The following OSER1 variants were observed in gnomAD, a reference collection of about 807,000 sequenced individuals.
OSER1 encodes oxidative stress responsive serine rich 1.
Under a neutral mutation model 26.3 loss-of-function variants are expected in OSER1, and 15 were observed. The ratio of observed to expected loss-of-function variants is 0.57; its 90% CI spans 0.38 to 0.88. The LOEUF (loss-of-function observed/expected upper bound fraction) is 0.88, where lower values mean the gene tolerates loss of function less well. OSER1 is among the 40% of genes least tolerant of loss of function. The probability of loss-of-function intolerance (pLI) is 0.00; values close to 1 mark genes in which losing one functional copy is unlikely to be tolerated. For missense variants in OSER1, 313 were observed against 353.9 expected, an observed-to-expected ratio of 0.88 and a Z score of 0.93; for synonymous variants, 127 against 128.2, an observed-to-expected ratio of 0.99 and a Z score of 0.07.
chr20:44,207,723 AAAGAAAGGTT>A (rs2073052208), intron 1 of OSER1: 1 of 152,246 alleles, frequency 6.6e-6, no homozygotes, highest in Non-Finnish European at 1.5e-5. Context: ...TCTTTAGCCT[AAAGAAAGGTT>A]GAAAGTAAAG....
At chr20:44,204,361 C>T (rs931050876) in intron 2 of OSER1, among the ~76,000 whole-genome samples, 3 of 152,218 alleles carry the variant, frequency 2.0e-5, no homozygotes, top group Non-Finnish European at 4.4e-5. Context: ...TGATACACTA[C>T]TACACAAGTC....
rs2072921981 is a variant in OSER1, at chr20:44,196,662, A to C, written c.*390T>G. 1 of 176,662 alleles carries C rather than the reference A, an allele frequency of 5.7e-6. No individual in the cohort carries two copies. The highest frequency in any genetic ancestry group is 5.4e-5 in the Admixed American group (1 of 18,460). The allele number at this position is 176,662 out of a possible 1,614,324, so 10.9% of individuals were successfully genotyped here. A position where few individuals can be genotyped will look rare whatever the true frequency, so the allele number is the denominator to read the frequency against. Reference sequence around the variant, plus strand: ...ATTCTGGGCTGGCAACTACAGCATGACAAATGTTTAGTGCAGTTACAAAAT... The same window carrying C: ...ATTCTGGGCTGGCAACTACAGCATGCCAAATGTTTAGTGCAGTTACAAAAT... On this transcript the variant is annotated 3_prime_UTR_variant, in exon 4 of 4. Transcript: ENST00000255174.
In OSER1 at chr20:44,199,314, T is replaced by C. The variant is rs961603218; in HGVS notation, c.192-1575A>G. On this transcript the variant is annotated intron_variant, in intron 3 of 3. Coordinates refer to ENST00000255174, the MANE Select transcript of OSER1 (RefSeq NM_016470.8). ...GGTTATTGAGGGACAGGGATAGTTA[T>C]CACAAGAACGGCTCTGTTATAAAAG... Among the ~76,000 whole-genome samples the C allele has an allele frequency of 5.9e-5, 9 of 152,262 alleles. 1 individual carries two copies. Among genetic ancestry groups the C allele is most frequent in the East Asian group, 1.9e-4 (1 of 5,182 alleles).
chr20:44,196,294 C>CAAA lies in OSER1; in HGVS notation c.*755_*757dup, dbSNP rs56251501. On this transcript the variant is annotated 3_prime_UTR_variant, in exon 4 of 4. Transcript: ENST00000255174. ...ATGAGACCTGTATTACAACTGATAA[C>CAAA]AAAAAAAAAAAAAAAAAACCGCCAT... Among the ~76,000 whole-genome samples, 31 of 100,440 alleles carry CAAA rather than the reference C, an allele frequency of 3.1e-4. 1 individual carries two copies. Among genetic ancestry groups the CAAA allele is most frequent in the South Asian group, 2.4e-3 (7 of 2,880 alleles). 65.9% of individuals were successfully genotyped at this position (100,440 alleles called of 152,430 possible). A position where few individuals can be genotyped will look rare whatever the true frequency, so the allele number is the denominator to read the frequency against.
In OSER1 at chr20:44,197,031, A is replaced by G. The variant is rs2072925821; in HGVS notation, c.*21T>C. 10 of 1,548,306 alleles carry G rather than the reference A, an allele frequency of 6.5e-6. No homozygotes were observed. Among genetic ancestry groups the G allele is most frequent in the South Asian group, 5.6e-5 (5 of 89,338 alleles). ...TGACAAGCCTTCATTGGTTTAAAGC[A>G]TATGAATTAGCTTCTTGCTATCAGG... On this transcript the variant is annotated 3_prime_UTR_variant, in exon 4 of 4. Transcript: ENST00000255174.
chr20:44,203,694 TCACA>T (rs139060435), intron 2 of OSER1, among the ~76,000 whole-genome samples: 12,168 of 145,350 alleles, frequency 0.084, 1,111 homozygotes, highest in East Asian at 0.29. Context: ...CAGACTTTTT[TCACA>T]CACACACACA....
rs765277973 is a variant in OSER1 at position 44,197,275 on chromosome 20, C to G, written c.656G>C (p.Gly219Ala). Reference protein sequence around the residue: ...WHDMEVYSFSGLQSVPPLAPE... With the variant: ...WHDMEVYSFSALQSVPPLAPE... ...AGCCAAGGGAGGGACACTCTGCAGGCCTGAAAAGGAATACACTTCCATATC... is the reference window on the plus strand; with the variant it reads ...AGCCAAGGGAGGGACACTCTGCAGGGCTGAAAAGGAATACACTTCCATATC... Residue 219 changes from glycine (G) to alanine (A), a missense_variant, in exon 4 of 4, where the codon GGC becomes GCC. Transcript: ENST00000255174. 6.2e-7 allele frequency: 1 copy of G among 1,614,084 alleles called. No homozygotes were observed. The highest frequency in any genetic ancestry group is 8.5e-7 in the Non-Finnish European group (1 of 1,179,916).
At chr20:44,208,031 T>C (rs1328891893) in intron 1 of OSER1, among the ~76,000 whole-genome samples, 2 of 151,838 alleles carry the variant, frequency 1.3e-5, no homozygotes, top group South Asian at 2.1e-4. Flanking sequence ...AGAAGAAAAG[T>C]ACCACAAAAA....
rs1215497221 is a variant in OSER1 at position 44,202,958 on chromosome 20, T to C, written c.191+3A>G. 1.3e-6 allele frequency: 2 copies of C among 1,528,774 alleles called. No individual in the cohort carries two copies. The highest frequency in any genetic ancestry group is 1.8e-6 in the Non-Finnish European group (2 of 1,102,584). The allele number at this position is 1,528,774 out of a possible 1,614,324, so 94.7% of individuals were successfully genotyped here. A position where few individuals can be genotyped will look rare whatever the true frequency, so the allele number is the denominator to read the frequency against. On this transcript the variant is annotated splice_donor_region_variant and intron_variant, in intron 3 of 3. Transcript: ENST00000255174. Reference sequence around the variant, plus strand: ...AAAAATCATCTCAATAAGAAGCTCTTACCCGTGCCAACTGTCTTTAGATGC... The same window carrying C: ...AAAAATCATCTCAATAAGAAGCTCTCACCCGTGCCAACTGTCTTTAGATGC...
chr20:44,201,677 A>C (rs2145926171), intron 3 of OSER1, among the ~76,000 whole-genome samples: 1 of 152,352 alleles, frequency 6.6e-6, no homozygotes, highest in South Asian at 2.1e-4. Flanking sequence ...AGATCAGAGG[A>C]AAGGGTTTCT....
chr20:44,206,822 G>T, intron 2 of OSER1, 59 bp downstream of exon 2: 1 of 734,270 alleles, frequency 1.4e-6, no homozygotes, highest in Middle Eastern at 2.6e-4. Flanking sequence ...TTAGGGAAAA[G>T]GGACTATTTA....
intron 2 of OSER1, among the ~76,000 whole-genome samples, chr20:44,206,016 G>A (rs1241906273): frequency 1.3e-5 from 2 of 150,746 alleles, no homozygotes; most frequent in Admixed American, 6.6e-5. Flanking sequence ...GCTCTGCAAC[G>A]TCCTACCAAT....
At chr20:44,210,131 T>G (rs546612094) in intron 1 of OSER1, 1 of 152,570 alleles carries the variant, frequency 6.6e-6, no homozygotes, top group East Asian at 1.9e-4. Flanking sequence ...GGAAAATTCC[T>G]AGTCAGAACC....
At chr20:44,208,227 T>C (rs2073058553) in intron 1 of OSER1, among the ~76,000 whole-genome samples, 1 of 151,492 alleles carries the variant, frequency 6.6e-6, no homozygotes, top group African/African-American at 2.4e-5. Flanking sequence ...GAAGTTATTG[T>C]GAGACCTCTA....
At chr20:44,209,950 C>CT (rs2073081336) in intron 1 of OSER1, 1 of 152,324 alleles carries the variant, frequency 6.6e-6, no homozygotes, top group South Asian at 2.1e-4. Context: ...CCCAGCAACT[C>CT]TAAGAGGCAA....
chr20:44,197,751 A>T lies in OSER1; in HGVS notation c.192-12T>A. 2.6e-6 allele frequency: 4 copies of T among 1,567,758 alleles called. No homozygotes were observed. The highest frequency in any genetic ancestry group is 3.5e-6 in the Non-Finnish European group (4 of 1,142,896). On this transcript the variant is annotated splice_polypyrimidine_tract_variant and intron_variant, in intron 3 of 3. Transcript: ENST00000255174. ...ACTTCCTTGTAGACCTAAAGAGGAA[A>T]AAAAATATACAAGAAGATGTTGGGA...
At chr20:44,197,874 C>G in intron 3 of OSER1, 135 bp from the exon 4 acceptor site, 1 of 609,554 alleles carries the variant, frequency 1.6e-6, no homozygotes, top group Non-Finnish European at 2.9e-6. Context: ...AAGAGATGCA[C>G]CTTCCTCCAT....
At chr20:44,203,214 T>C (rs1318297901) in intron 2 of OSER1, 140 bp from the exon 3 acceptor site, 1 of 547,686 alleles carries the variant, frequency 1.8e-6, no homozygotes, top group Admixed American at 3.1e-5. Context: ...CAGCTTTTAA[T>C]GTAAATTTTC....
rs2073068586 is a variant in OSER1 at position 44,209,039 on chromosome 20, C to G, written c.-42+1657G>C. On this transcript the variant is annotated intron_variant, in intron 1 of 3. Transcript: ENST00000255174. ...AGCCCAAACTCCATTTCCGTAAGGA[C>G]TAGAATCTCATTCCTGCCCTCCAAG... is the stretch of plus-strand genomic sequence containing the variant. Among the ~76,000 whole-genome samples the G allele has an allele frequency of 2.0e-5, 3 of 152,238 alleles. No homozygotes were observed. In the South Asian group the frequency reaches 6.2e-4, roughly 32 times the overall value.
Sources: gnomAD v4.1 joint callset for allele counts (sites outside exome capture counted in the v4.1 genomes callset) on GRCh38, gnomAD v4.1.1 for gene constraint, MANE v1.5 for transcripts, NCBI Gene and HGNC (gene_info 2026-07-23, HGNC 2026-07-21) for gene names.